ZNF75D: variants seen among roughly 807,000 people sequenced by gnomAD.
The protein encoded by ZNF75D is zinc finger protein 75D, also known as zinc finger protein 75.
Under a neutral mutation model 33.3 loss-of-function variants are expected in ZNF75D, and 33 were observed. The observed-to-expected ratio is 0.99, with a 90% CI of 0.75 to 1.32. The LOEUF (loss-of-function observed/expected upper bound fraction) is 1.32, where lower values mean the gene tolerates loss of function less well. ZNF75D is among the 40% of genes most tolerant of loss of function. The pLI, the probability that ZNF75D is intolerant of heterozygous loss-of-function variation, is 0.00. For synonymous variants in ZNF75D, 113 were observed against 130.6 expected (o/e 0.87, Z 0.92); for missense variants, 338 against 367.5 (o/e 0.92, Z 0.66).
chrX:135,322,566 G>A (rs1424333918), intron 1 of ZNF75D, among the ~76,000 whole-genome samples: 1 of 112,007 alleles, frequency 8.9e-6, no homozygotes, highest in Non-Finnish European at 1.9e-5. Context: ...AGACAGATAG[G>A]ATAGATATAG....
intron 1 of ZNF75D, among the ~76,000 whole-genome samples, chrX:135,258,639 GTTGT>G (rs1208693431): frequency 6.3e-5 from 7 of 111,430 alleles, no homozygotes; most frequent in East Asian, 2.8e-4. Flanking sequence ...TTTTGATGGG[GTTGT>G]TTGTTTTTTT....
At chrX:135,280,564 T>C (rs1291356745) in intron 1 of ZNF75D, among the ~76,000 whole-genome samples, 6 of 112,153 alleles carry the variant, frequency 5.3e-5, no homozygotes, top group East Asian at 5.6e-4. Flanking sequence ...CATTACTTGA[T>C]GCAGTTTCTT....
At position 135,343,846 on chromosome X, in the gene ZNF75D, C is replaced by T. The variant is rs1181272700; in HGVS notation, c.-2469G>A. 8.9e-6 allele frequency: 1 copy of T among 111,910 alleles called. No homozygotes were observed. Among genetic ancestry groups the T allele is most frequent in the African/African-American group, 3.3e-5 (1 of 30,756 alleles). The allele number at this position is 111,910 out of a possible 1,213,427, so 9.2% of individuals were successfully genotyped here. ...CCAACTTTGGACCCGGCAGAGCTGT[C>T]TCCAGTAGCTTCGCCTCACTGGGCT... On this transcript the variant is annotated 5_prime_UTR_variant, in exon 1 of 7. Transcript: ENST00000370766.
At chrX:135,328,610 G>A (rs1321841810) in intron 1 of ZNF75D, among the ~76,000 whole-genome samples, 4 of 111,836 alleles carry the variant, frequency 3.6e-5, no homozygotes, top group Non-Finnish European at 7.5e-5. Context: ...TGTTCGTATT[G>A]CTGGTGTTGT....
chrX:135,264,990 G>T (rs2083857236), intron 1 of ZNF75D, among the ~76,000 whole-genome samples: 1 of 112,257 alleles, frequency 8.9e-6, no homozygotes, highest in Non-Finnish European at 1.9e-5. Flanking sequence ...GGAGGCCAAG[G>T]CGGGCAGATC....
chrX:135,325,692 A>G (rs2084558885), intron 1 of ZNF75D, among the ~76,000 whole-genome samples: 1 of 112,827 alleles, frequency 8.9e-6, no homozygotes, highest in African/African-American at 3.2e-5. Context: ...GCCTTCCCAC[A>G]GGGCAGGGCT....
chrX:135,279,886 G>A (rs888618107), intron 1 of ZNF75D, among the ~76,000 whole-genome samples: 1 of 111,786 alleles, frequency 8.9e-6, no homozygotes, highest in South Asian at 3.8e-4. Context: ...GTTTACTGAG[G>A]AGTATTTTAC....
chrX:135,279,657 G>T (rs1025295767), intron 1 of ZNF75D, among the ~76,000 whole-genome samples: 9 of 111,647 alleles, frequency 8.1e-5, no homozygotes, highest in African/African-American at 2.9e-4. Context: ...CACTGCTTTA[G>T]CTGTGTCCCA....
chrX:135,342,722 C>T lies in ZNF75D; in HGVS notation c.-1345G>A, dbSNP rs1427345566. ...CTCTGCAGAGGAGACCAGACTGCTG[C>T]CCCTAACCTAACAGCAGCTCACAGT... On this transcript the variant is annotated 5_prime_UTR_variant, in exon 1 of 7. Transcript: ENST00000370766. The T allele has an allele frequency of 8.9e-6, 1 of 112,057 alleles. No individual in the cohort carries two copies. Among genetic ancestry groups the T allele is most frequent in the Non-Finnish European group, 1.9e-5 (1 of 53,241 alleles). The allele number at this position is 112,057 out of a possible 1,213,427, so 9.2% of individuals were successfully genotyped here. A position where few individuals can be genotyped will look rare whatever the true frequency, so the allele number is the denominator to read the frequency against.
At chrX:135,330,871 A>C (rs1017800185) in intron 1 of ZNF75D, 1 of 111,428 alleles carries the variant, frequency 9.0e-6, no homozygotes, top group Non-Finnish European at 1.9e-5. Flanking sequence ...CACAGGGGAG[A>C]TACAGGTCAT....
chrX:135,326,010 A>C (rs188702531), intron 1 of ZNF75D, among the ~76,000 whole-genome samples: 214 of 104,295 alleles, frequency 2.1e-3, no homozygotes, highest in South Asian at 4.3e-3. Context: ...GGGTTTGTGA[A>C]TGCACCAATC....
chrX:135,342,027 C>G lies in ZNF75D; in HGVS notation c.-650G>C, dbSNP rs1330978602. ...CAGGAATACACCTTCGCCATCCTAC[C>G]TCAGGCGTATTGTATATCAATTTTC... On this transcript the variant is annotated 5_prime_UTR_variant, in exon 1 of 7. Coordinates refer to ENST00000370766, the MANE Select transcript of ZNF75D (RefSeq NM_007131.5). 1 of 112,304 alleles carries G rather than the reference C, an allele frequency of 8.9e-6. No individual in the cohort carries two copies. Among genetic ancestry groups the G allele is most frequent in the African/African-American group, 3.2e-5 (1 of 30,877 alleles). The allele number at this position is 112,304 out of a possible 1,213,427, so 9.3% of individuals were successfully genotyped here.
At chrX:135,337,603 C>T (rs1556442913) in intron 1 of ZNF75D, among the ~76,000 whole-genome samples, 1 of 111,575 alleles carries the variant, frequency 9.0e-6, no homozygotes, top group Non-Finnish European at 1.9e-5. Flanking sequence ...TCTTTTTGCT[C>T]AGGACAGAGT....
downstream of ZNF75D, among the ~76,000 whole-genome samples, chrX:135,282,564 G>A (rs2083923988): frequency 1.8e-5 from 2 of 111,603 alleles, no homozygotes; most frequent in Non-Finnish European, 1.9e-5. Flanking sequence ...CTAGCTCAGT[G>A]TCTGCCCAAA....
At chrX:135,299,496 GT>G (rs1197642327) in intron 1 of ZNF75D, among the ~76,000 whole-genome samples, 1 of 111,778 alleles carries the variant, frequency 8.9e-6, no homozygotes, top group East Asian at 2.8e-4. Flanking sequence ...TTATTATTGA[GT>G]TGTAATCATT....
At chrX:135,253,495 A>G (rs1296161350) in intron 2 of ZNF75D, 1 of 293,065 alleles carries the variant, frequency 3.4e-6, no homozygotes, top group African/African-American at 2.8e-5. Context: ...ACAAAAAGTC[A>G]TGTGGCTTAC....
At chrX:135,258,463 C>T (rs1164298872) in intron 1 of ZNF75D, among the ~76,000 whole-genome samples, 2 of 111,133 alleles carry the variant, frequency 1.8e-5, no homozygotes, top group Non-Finnish European at 3.8e-5. Flanking sequence ...TCTGTTGTTT[C>T]CTGACTTTTT....
At chrX:135,302,398 GGTCA>G (rs1364444460) in intron 1 of ZNF75D, among the ~76,000 whole-genome samples, 1 of 111,890 alleles carries the variant, frequency 8.9e-6, no homozygotes, top group Non-Finnish European at 1.9e-5. Context: ...GGTGAGTGGA[GGTCA>G]GTAAGTCAGC....
intron 1 of ZNF75D, among the ~76,000 whole-genome samples, chrX:135,326,012 G>A (rs1177612869): frequency 9.0e-6 from 1 of 110,668 alleles, no homozygotes; most frequent in African/African-American, 3.3e-5. Flanking sequence ...GTTTGTGAAT[G>A]CACCAATCGA....
Sources: gnomAD v4.1 joint callset for allele counts (sites outside exome capture counted in the v4.1 genomes callset) on GRCh38, gnomAD v4.1.1 for gene constraint, MANE v1.5 for transcripts, NCBI Gene and HGNC (gene_info 2026-07-23, HGNC 2026-07-21) for gene names.